Variants in DOCK2 observed in about 807,000 individuals in gnomAD.
The protein encoded by DOCK2 is dedicator of cytokinesis 2, also known as dedicator of cytokinesis protein 2.
DOCK2 carries 87 observed loss-of-function variants against 248.9 expected under a neutral mutation model. That is an observed-to-expected ratio of 0.35 (90% CI 0.29 to 0.42). The LOEUF is 0.42. Ranked by LOEUF, DOCK2 falls within the 10% of genes least tolerant of loss-of-function variation. DOCK2 has a pLI of 1.00. For missense variants in DOCK2, 1,747 were observed against 2,300.2 expected (o/e 0.76, Z 4.92); for synonymous variants, 805 against 821.6 (o/e 0.98, Z 0.35).
intron 22 of DOCK2, among the ~76,000 whole-genome samples, chr5:169,735,955 A>G (rs898286469): frequency 3.8e-4 from 58 of 151,556 alleles, no homozygotes; most frequent in Admixed American, 5.9e-4. Flanking sequence ...GGAGAGGGAG[A>G]GAGAGAGAGA....
intron 27 of DOCK2, chr5:169,881,486 C>A: frequency 1.4e-6 from 2 of 1,456,596 alleles, no homozygotes; most frequent in South Asian, 1.2e-5. Flanking sequence ...GGGCAAAAGT[C>A]ACGTGGGCCA....
At chr5:169,974,804 C>A (rs534282965) in intron 27 of DOCK2, among the ~76,000 whole-genome samples, 1 of 152,178 alleles carries the variant, frequency 6.6e-6, no homozygotes, top group South Asian at 2.1e-4. Context: ...GTTTCTGAAC[C>A]TGTTCTTTTT....
At position 169,650,383 on chromosome 5, in the gene DOCK2, C is replaced by T. The variant is rs76501905; in HGVS notation, c.44-4020C>T. 2.0e-4 allele frequency among the ~76,000 whole-genome samples: 30 copies of T among 151,900 alleles called. No homozygotes were observed. In the East Asian group the frequency reaches 4.8e-3, roughly 24 times the overall value. Reference sequence around the variant, plus strand: ...CTTATTAGGTGGAGAAGTTGTTTACCCACCCCTTCCTCAGTTTCCTTATAT... The same window carrying T: ...CTTATTAGGTGGAGAAGTTGTTTACTCACCCCTTCCTCAGTTTCCTTATAT... On this transcript the variant is annotated intron_variant, in intron 1 of 51. Transcript: ENST00000520908.
intron 10 of DOCK2, among the ~76,000 whole-genome samples, chr5:169,696,603 G>C (rs1210670816): frequency 6.6e-6 from 1 of 152,124 alleles, no homozygotes; most frequent in African/African-American, 2.4e-5. Context: ...TTAAATTCCT[G>C]TGAAAATGGC....
intron 23 of DOCK2, among the ~76,000 whole-genome samples, chr5:169,756,658 G>C (rs1764209830): frequency 6.6e-6 from 1 of 152,168 alleles, no homozygotes; most frequent in Admixed American, 6.5e-5. Context: ...AGGCATGGTG[G>C]CTCATGCCTG....
intron 27 of DOCK2, among the ~76,000 whole-genome samples, chr5:169,964,951 T>C (rs1452386737): frequency 1.3e-5 from 2 of 152,240 alleles, no homozygotes; most frequent in Non-Finnish European, 2.9e-5. Context: ...CATATTGGCA[T>C]TCATATCTGT....
At position 170,081,991 on chromosome 5, in the gene DOCK2, A is replaced by G. The variant is rs773997704; in HGVS notation, c.5430+7A>G. On this transcript the variant is annotated splice_region_variant and intron_variant, in intron 51 of 51. Transcript: ENST00000520908. ...TCAGTTCTTCAAGACAATGGTGAGG[A>G]CATTGAGGGTGGAAGGAAAGGAAGG... 1 of 1,613,252 alleles carries G rather than the reference A, an allele frequency of 6.2e-7. No homozygotes were observed. The highest frequency in any genetic ancestry group is 1.7e-5 in the Admixed American group (1 of 59,980).
chr5:169,809,198 C>T (rs999735356), intron 26 of DOCK2, among the ~76,000 whole-genome samples: 1 of 152,132 alleles, frequency 6.6e-6, no homozygotes, highest in Non-Finnish European at 1.5e-5. Flanking sequence ...ACCATGTTGG[C>T]CAGGCTGGTC....
At chr5:169,971,058 G>A (rs893360477) in intron 27 of DOCK2, among the ~76,000 whole-genome samples, 2 of 152,126 alleles carry the variant, frequency 1.3e-5, no homozygotes, top group African/African-American at 4.8e-5. Context: ...GACGGGGAGA[G>A]GGAGTCAGCA....
At chr5:169,881,337 T>G (rs1772634943) in intron 27 of DOCK2, 1 of 1,541,568 alleles carries the variant, frequency 6.5e-7, no homozygotes, top group Non-Finnish European at 8.8e-7. Context: ...CTTTATGGTC[T>G]ACAGAGCAGG....
At chr5:170,057,867 T>G (rs1446397403) in intron 44 of DOCK2, among the ~76,000 whole-genome samples, 2 of 152,048 alleles carry the variant, frequency 1.3e-5, no homozygotes, top group Non-Finnish European at 2.9e-5. Context: ...ATAACCTTTT[T>G]GTTCCCTGCA....
At chr5:169,788,108 A>G (rs1199976054) in intron 25 of DOCK2, among the ~76,000 whole-genome samples, 6 of 152,088 alleles carry the variant, frequency 3.9e-5, no homozygotes, top group African/African-American at 1.2e-4. Flanking sequence ...AACTTTACTC[A>G]TTCTTTTCAA....
In DOCK2 at chr5:169,660,622, A is replaced by G. The variant is rs147034597; in HGVS notation, c.127+6136A>G. 4.9e-3 allele frequency among the ~76,000 whole-genome samples: 745 copies of G among 152,358 alleles called. 10 individuals carry two copies. The highest frequency in any genetic ancestry group is 0.017 in the African/African-American group (716 of 41,578). Reference sequence around the variant, plus strand: ...CACTGAGGAGGGCACACCAAGAGCCATAGGCAGTGGCTTCCATGCTAATAA... The same window carrying G: ...CACTGAGGAGGGCACACCAAGAGCCGTAGGCAGTGGCTTCCATGCTAATAA... On this transcript the variant is annotated intron_variant, in intron 2 of 51. Transcript: ENST00000520908.
At chr5:170,081,804 A>G (rs751324539) in intron 50 of DOCK2, 38 bp from the exon 51 acceptor site, 1 of 1,445,756 alleles carries the variant, frequency 6.9e-7, no homozygotes, top group Admixed American at 2.1e-5. Flanking sequence ...CCCCTCCTCT[A>G]CCCACCCATT....
chr5:169,816,513 C>T (rs1157609621), intron 26 of DOCK2, among the ~76,000 whole-genome samples: 1 of 152,186 alleles, frequency 6.6e-6, no homozygotes, highest in African/African-American at 2.4e-5. Flanking sequence ...AATCCAAACT[C>T]AGCTTAATTT....
intron 27 of DOCK2, among the ~76,000 whole-genome samples, chr5:169,879,910 A>T (rs550980900): frequency 5.8e-4 from 89 of 152,298 alleles, no homozygotes; most frequent in African/African-American, 1.9e-3. Flanking sequence ...AAAATACATT[A>T]TCTGGCTCCG....
At chr5:169,999,046 C>G (rs535140101) in intron 30 of DOCK2, among the ~76,000 whole-genome samples, 1 of 152,162 alleles carries the variant, frequency 6.6e-6, no homozygotes, top group Admixed American at 6.5e-5. Flanking sequence ...CCGTGGGTAT[C>G]GGCTATTGCA....
At chr5:169,768,637 A>T (rs543904589) in intron 25 of DOCK2, among the ~76,000 whole-genome samples, 1 of 152,306 alleles carries the variant, frequency 6.6e-6, no homozygotes, top group Admixed American at 6.5e-5. Flanking sequence ...CTCAGGGCAC[A>T]GCTTCCCTGC....
chr5:169,671,282 A>G, intron 5 of DOCK2, 108 bp downstream of exon 5: 2 of 945,366 alleles, frequency 2.1e-6, no homozygotes, highest in East Asian at 5.1e-5. Context: ...GGCTTTGGTG[A>G]CATAGCAGAG....
Sources: gnomAD v4.1 joint callset for allele counts (sites outside exome capture counted in the v4.1 genomes callset) on GRCh38, gnomAD v4.1.1 for gene constraint, MANE v1.5 for transcripts, NCBI Gene and HGNC (gene_info 2026-07-23, HGNC 2026-07-21) for gene names.